The following DEPDC5 variants were observed in gnomAD, a reference collection of about 807,000 sequenced individuals.
DEPDC5 encodes DEP domain containing 5, GATOR1 subcomplex subunit, also known as GATOR1 complex protein DEPDC5.
Under a neutral mutation model 217.3 loss-of-function variants are expected in DEPDC5, and 73 were observed. That is an observed-to-expected ratio of 0.34 (90% confidence interval 0.28 to 0.41). DEPDC5 has a LOEUF of 0.41. DEPDC5 is among the 10% of genes least tolerant of loss of function. DEPDC5 has a pLI of 1.00. For synonymous variants in DEPDC5, 733 were observed against 756.7 expected (o/e 0.97, Z 0.51); for missense variants, 1,675 against 2,070.1 (o/e 0.81, Z 3.70).
chr22:31,818,907 T>C lies in DEPDC5; in HGVS notation c.1667-115T>C, dbSNP rs1031825557. ...AGTTTTGCTCATTTCTCTCACTCCC[T>C]GACATTTATAATGCCCAAGATTCTT... On this transcript the variant is annotated intron_variant, in intron 21 of 42. Coordinates refer to ENST00000651528, the MANE Select transcript of DEPDC5 (RefSeq NM_001242896.3). 13 of 1,050,794 alleles carry C rather than the reference T, an allele frequency of 1.2e-5. No homozygotes were observed. The African/African-American group carries it at 1.9e-4, about 15-fold the overall frequency. The allele number at this position is 1,050,794 out of a possible 1,614,324, so 65.1% of individuals were successfully genotyped here.
At chr22:31,797,493 C>T (rs1256086515) in intron 12 of DEPDC5, 107 bp from the exon 13 acceptor site, 4 of 859,700 alleles carry the variant, frequency 4.7e-6, no homozygotes, top group East Asian at 2.5e-5. Context: ...CACCAGGTTC[C>T]TCCCTCGACA....
intron 38 of DEPDC5, among the ~76,000 whole-genome samples, chr22:31,892,846 ATT>A (rs2093467365): frequency 6.8e-6 from 1 of 147,340 alleles, no homozygotes; most frequent in Non-Finnish European, 1.5e-5. Flanking sequence ...CATGGTTTAC[ATT>A]TTAGGGTTCA....
chr22:31,814,036 G>A (rs577854551), intron 20 of DEPDC5: 1 of 152,316 alleles, frequency 6.6e-6, no homozygotes, highest in African/African-American at 2.4e-5. Flanking sequence ...TTGGGAGGCT[G>A]AGGCAGGAAA....
At chr22:31,805,366 A>G (rs946678199) in intron 17 of DEPDC5, among the ~76,000 whole-genome samples, 4 of 152,100 alleles carry the variant, frequency 2.6e-5, no homozygotes, top group African/African-American at 9.7e-5. Flanking sequence ...TTCTCCTGAA[A>G]ATGCCTATTT....
rs770805583 is a variant in DEPDC5 at position 31,804,236 on chromosome 22, C to A, written c.1143+13C>A. 2 of 1,613,786 alleles carry A rather than the reference C, an allele frequency of 1.2e-6. No individual in the cohort carries two copies. The highest frequency in any genetic ancestry group is 1.7e-6 in the Non-Finnish European group (2 of 1,179,884). ...CCCATTGTTCAAGGTAATTAGATTT[C>A]GGATTTGTTTACTAAAGGCCAGTTG... On this transcript the variant is annotated intron_variant, in intron 16 of 42. Coordinates refer to ENST00000651528, the MANE Select transcript of DEPDC5 (RefSeq NM_001242896.3).
chr22:31,845,720 A>AT (rs1028988621), intron 30 of DEPDC5, among the ~76,000 whole-genome samples: 3 of 151,638 alleles, frequency 2.0e-5, no homozygotes, highest in African/African-American at 7.3e-5. Flanking sequence ...GGGATTCAGC[A>AT]TTTTTTTTAA....
intron 8 of DEPDC5, among the ~76,000 whole-genome samples, chr22:31,782,544 C>A (rs2084559782): frequency 6.6e-6 from 1 of 152,172 alleles, no homozygotes; most frequent in Non-Finnish European, 1.5e-5. Context: ...GGAGCAAAGG[C>A]TCTGTGGTAT....
At chr22:31,767,584 C>T (rs1053669010) in intron 6 of DEPDC5, among the ~76,000 whole-genome samples, 6 of 150,802 alleles carry the variant, frequency 4.0e-5, no homozygotes, top group East Asian at 2.0e-4. Flanking sequence ...CGTGAGCCAC[C>T]GCTCCCAGCT....
At chr22:31,809,715 C>T in intron 19 of DEPDC5, 68 bp downstream of exon 19, 7 of 1,555,342 alleles carry the variant, frequency 4.5e-6, no homozygotes, top group South Asian at 3.3e-5. Flanking sequence ...TGCAGTGGCT[C>T]ACGCCTATAA....
chr22:31,822,914 G>GCTGAA (rs2089834124), intron 24 of DEPDC5, 124 bp downstream of exon 24: 1 of 945,202 alleles, frequency 1.1e-6, no homozygotes, highest in East Asian at 2.7e-5. Context: ...ACTTTTGGGT[G>GCTGAA]ACCTATTTAG....
chr22:31,810,033 A>G (rs1264558684), intron 19 of DEPDC5, among the ~76,000 whole-genome samples: 2 of 152,190 alleles, frequency 1.3e-5, no homozygotes, highest in Admixed American at 6.6e-5. Flanking sequence ...GTGAAGTGCC[A>G]TAAAAAGTTT....
chr22:31,861,223 G>A lies in DEPDC5; in HGVS notation c.3265-145G>A. The A allele has an allele frequency of 1.2e-5, 5 of 408,110 alleles. No individual in the cohort carries two copies. The South Asian group carries it at 2.3e-4, about 19-fold the overall frequency. 25.3% of individuals were successfully genotyped at this position (408,110 alleles called of 1,614,324 possible). ...TTCCCTATCCTCTTCATATGTCCTT[G>A]TTTCTCTCCTTCCCTCCTTGTTTTT... On this transcript the variant is annotated intron_variant, in intron 32 of 42. Transcript: ENST00000651528.
At chr22:31,764,590 G>C (rs1006788231) in intron 4 of DEPDC5, among the ~76,000 whole-genome samples, 18 of 151,352 alleles carry the variant, frequency 1.2e-4, no homozygotes, top group African/African-American at 4.4e-4. Context: ...TAATTTTTGT[G>C]TTTTTAGTAG....
rs115272857 is a variant in DEPDC5, at chr22:31,803,695, G to A, written c.1082-467G>A. ...CAGAAGGTGGAGGTTGCAGTGAGCC[G>A]TGATCTCACGCCACTGCATGTCAGC... On this transcript the variant is annotated intron_variant, in intron 15 of 42. Coordinates refer to ENST00000651528, the MANE Select transcript of DEPDC5 (RefSeq NM_001242896.3). Among the ~76,000 whole-genome samples the A allele has an allele frequency of 3.6e-3, 542 of 152,088 alleles. 5 individuals carry two copies. Among genetic ancestry groups the A allele is most frequent in the African/African-American group, 0.013 (519 of 41,482 alleles).
intron 4 of DEPDC5, among the ~76,000 whole-genome samples, chr22:31,761,239 C>G (rs189388192): frequency 1.5e-3 from 230 of 152,244 alleles, no homozygotes; most frequent in Non-Finnish European, 2.7e-3. Context: ...CCTTGGCCCC[C>G]CAAAGTGCTG....
At chr22:31,769,659 T>C (rs1237017658) in intron 7 of DEPDC5, 1 of 152,170 alleles carries the variant, frequency 6.6e-6, no homozygotes. Context: ...GGCTCACACT[T>C]GTAATCCCAA....
rs747812043 is a variant in DEPDC5 at position 31,873,215 on chromosome 22, G to A, written c.3486-40G>A. ...AATATTCGTGCTCTTGACTGCATAC[G>A]TGCCATCTTGCTTTGCTGACCTGAC... is the stretch of plus-strand genomic sequence containing the variant. On this transcript the variant is annotated intron_variant, in intron 34 of 42. Transcript: ENST00000651528. The A allele has an allele frequency of 1.4e-5, 22 of 1,613,356 alleles. No homozygotes were observed. The East Asian group carries it at 4.0e-4, about 29-fold the overall frequency.
chr22:31,805,363 G>A (rs774134709), intron 17 of DEPDC5, among the ~76,000 whole-genome samples: 9 of 152,016 alleles, frequency 5.9e-5, no homozygotes, highest in Admixed American at 2.0e-4. Context: ...CCCTTCTCCT[G>A]AAAATGCCTA....
At chr22:31,776,086 G>C (rs2083820505) in intron 7 of DEPDC5, among the ~76,000 whole-genome samples, 2 of 150,102 alleles carry the variant, frequency 1.3e-5, no homozygotes, top group African/African-American at 2.4e-5. Context: ...TAAGGCGTAG[G>C]CTTCATTGTC....
Sources: allele counts gnomAD v4.1 joint callset (sites outside exome capture counted in the v4.1 genomes callset), GRCh38; gene constraint gnomAD v4.1.1; transcripts MANE v1.5; gene names NCBI Gene and HGNC (gene_info 2026-07-23, HGNC 2026-07-21).